Variants in WDPCP observed in about 807,000 individuals in gnomAD.
WDPCP encodes WD repeat-containing and planar cell polarity effector protein fritz homolog.
WDPCP carries 71 observed loss-of-function variants against 93.1 expected under a neutral mutation model. The ratio of observed to expected loss-of-function variants is 0.76; its 90% CI spans 0.63 to 0.93. The LOEUF (loss-of-function observed/expected upper bound fraction) is 0.93, where lower values mean the gene tolerates loss of function less well. Among genes scored for constraint, WDPCP ranks in the 40% least tolerant of loss-of-function variants. WDPCP has a pLI of 0.00. For missense variants in WDPCP, 844 were observed against 887.4 expected, an observed-to-expected ratio of 0.95 and a Z score of 0.62; for synonymous variants, 315 against 315.0, an observed-to-expected ratio of 1.00 and a Z score of 0.00.
intron 12 of WDPCP, among the ~76,000 whole-genome samples, chr2:63,362,756 C>T (rs1006490304): frequency 2.6e-5 from 4 of 152,130 alleles, no homozygotes; most frequent in African/African-American, 9.7e-5. Context: ...CCTCAAACTC[C>T]TAGGGTCAAG....
intron 14 of WDPCP, among the ~76,000 whole-genome samples, chr2:63,254,753 C>T (rs976278908): frequency 1.3e-5 from 2 of 152,122 alleles, no homozygotes; most frequent in African/African-American, 2.4e-5. Context: ...AGTACTATTA[C>T]ATGTTCAAAT....
intron 2 of WDPCP, among the ~76,000 whole-genome samples, chr2:63,749,542 C>A (rs1344039741): frequency 1.3e-5 from 2 of 152,044 alleles, no homozygotes; most frequent in Non-Finnish European, 2.9e-5. Context: ...AAATATTCAA[C>A]ACTTTATTAT....
At chr2:63,428,738 G>A (rs934527075) in intron 9 of WDPCP, among the ~76,000 whole-genome samples, 7 of 151,996 alleles carry the variant, frequency 4.6e-5, no homozygotes, top group East Asian at 3.9e-4. Context: ...GGGTAATCAC[G>A]CAAGATTTTT....
chr2:63,779,636 T>G (rs1169276041), intron 2 of WDPCP, among the ~76,000 whole-genome samples: 1 of 152,098 alleles, frequency 6.6e-6, no homozygotes, highest in Non-Finnish European at 1.5e-5. Flanking sequence ...GATCTCTAGG[T>G]GCGTATATCC....
chr2:63,660,095 G>T (rs1710209589), intron 2 of WDPCP, among the ~76,000 whole-genome samples: 1 of 152,078 alleles, frequency 6.6e-6, no homozygotes, highest in South Asian at 2.1e-4. Context: ...AAAGGTAAAT[G>T]TAGCCTTTTA....
intron 2 of WDPCP, among the ~76,000 whole-genome samples, chr2:63,684,137 C>T (rs1219405947): frequency 1.3e-5 from 2 of 152,278 alleles, no homozygotes; most frequent in East Asian, 3.9e-4. Flanking sequence ...TAGATACTTA[C>T]AGAACATTTC....
chr2:63,640,976 C>A (rs889718204), intron 3 of WDPCP, among the ~76,000 whole-genome samples: 2 of 152,188 alleles, frequency 1.3e-5, no homozygotes, highest in Non-Finnish European at 2.9e-5. Context: ...CTCCTACTAA[C>A]CTTCCCAGTC....
chr2:63,339,255 C>T (rs1436873842), intron 12 of WDPCP, among the ~76,000 whole-genome samples: 1 of 152,130 alleles, frequency 6.6e-6, no homozygotes, highest in Non-Finnish European at 1.5e-5. Flanking sequence ...CTCACTTCAA[C>T]CTCTGCCTCC....
intron 12 of WDPCP, among the ~76,000 whole-genome samples, chr2:63,354,738 A>G (rs200134692): frequency 6.6e-4 from 100 of 151,318 alleles, no homozygotes; most frequent in South Asian, 8.4e-4. Context: ...GTGTGTGTGT[A>G]TATGTATATA....
intron 1 of WDPCP, among the ~76,000 whole-genome samples, chr2:63,557,823 G>C (rs780589533): frequency 1.5e-4 from 23 of 152,086 alleles, no homozygotes; most frequent in Non-Finnish European, 1.6e-4. Context: ...AATCAAATTA[G>C]AACTCAAGAT....
intron 2 of WDPCP, among the ~76,000 whole-genome samples, chr2:63,655,842 AG>A (rs754016873): frequency 2.7e-4 from 41 of 152,306 alleles, no homozygotes; most frequent in Non-Finnish European, 2.6e-4. Flanking sequence ...CTTTCCTTAC[AG>A]TTGTACAGTA....
upstream of WDPCP, among the ~76,000 whole-genome samples, chr2:63,830,260 T>G (rs1172254021): frequency 6.6e-6 from 1 of 152,124 alleles, no homozygotes; most frequent in Non-Finnish European, 1.5e-5. Context: ...TGAAATACCT[T>G]TTTATTGCAC....
intron 3 of WDPCP, chr2:63,622,842 G>C: frequency 7.5e-6 from 12 of 1,601,922 alleles, no homozygotes; most frequent in Non-Finnish European, 1.0e-5. Context: ...CGTCCTGGCC[G>C]AAGTGGGCTC....
intron 12 of WDPCP, among the ~76,000 whole-genome samples, chr2:63,358,674 C>T (rs1209686538): frequency 1.3e-5 from 2 of 152,122 alleles, no homozygotes; most frequent in African/African-American, 4.8e-5. Context: ...ATCAGCTGGT[C>T]TTGAACTAGT....
At chr2:63,681,652 A>G (rs1362456544) in intron 2 of WDPCP, among the ~76,000 whole-genome samples, 8 of 152,164 alleles carry the variant, frequency 5.3e-5, no homozygotes, top group Non-Finnish European at 1.0e-4. Context: ...TGGTTTTGCC[A>G]TCTGCTGATT....
At chr2:63,454,553 CT>C (rs1253585343) in intron 6 of WDPCP, among the ~76,000 whole-genome samples, 2 of 151,954 alleles carry the variant, frequency 1.3e-5, no homozygotes, top group Non-Finnish European at 2.9e-5. Flanking sequence ...AGCAAAGTCT[CT>C]GTGATAAATA....
intron 2 of WDPCP, among the ~76,000 whole-genome samples, chr2:63,722,462 C>T (rs1259004991): frequency 1.3e-5 from 2 of 149,844 alleles, no homozygotes; most frequent in Non-Finnish European, 3.0e-5. Context: ...CCGGCCGCCC[C>T]GTCTGAGAAG....
chr2:63,271,934 C>T (rs1274630901), intron 13 of WDPCP, among the ~76,000 whole-genome samples: 1 of 152,182 alleles, frequency 6.6e-6, no homozygotes, highest in Non-Finnish European at 1.5e-5. Flanking sequence ...TGTCCCAACA[C>T]TGCTACCGTC....
At chr2:63,512,280 T>C (rs568108995) in intron 1 of WDPCP, among the ~76,000 whole-genome samples, 3 of 152,342 alleles carry the variant, frequency 2.0e-5, no homozygotes, top group African/African-American at 7.2e-5. Flanking sequence ...GGAACGCTTT[T>C]ACACTGTTGG....
Sources: allele counts gnomAD v4.1 joint callset (sites outside exome capture counted in the v4.1 genomes callset), GRCh38; gene constraint gnomAD v4.1.1; transcripts MANE v1.5; gene names NCBI Gene and HGNC (gene_info 2026-07-23, HGNC 2026-07-21).